Variants in ZC3HAV1L observed in about 807,000 individuals in gnomAD.
The protein encoded by ZC3HAV1L is ZC3HAV1 like.
ZC3HAV1L carries 23 observed loss-of-function variants against 28.2 expected under a neutral mutation model. The observed-to-expected ratio is 0.82, with a 90% confidence interval of 0.59 to 1.16. The LOEUF is 1.16. Ranked by LOEUF, ZC3HAV1L falls within the 50% of genes most tolerant of loss-of-function variation. The pLI, the probability that ZC3HAV1L is intolerant of heterozygous loss-of-function variation, is 0.00. For synonymous variants in ZC3HAV1L, 180 were observed against 163.4 expected (o/e 1.10, Z -0.78); for missense variants, 376 against 387.7 (o/e 0.97, Z 0.25).
chr7:139,035,924 G>A lies in ZC3HAV1L; in HGVS notation c.94C>T (p.Leu32=), dbSNP rs759791547. 2 of 1,513,792 alleles carry A rather than the reference G, an allele frequency of 1.3e-6. No homozygotes were observed. The highest frequency in any genetic ancestry group is 5.3e-5 in the East Asian group (2 of 37,486). 93.8% of individuals were successfully genotyped at this position (1,513,792 alleles called of 1,614,324 possible). ...ACGTCCCGGAGCCTGGCCTCCGACA[G>A]CTCCACGTGGCCGCGCAGGTCCTTC... is the stretch of plus-strand genomic sequence containing the variant. ...FLKDLRGHVE[L]SEARLRDVLQ... The change falls in exon 1 of 5, where the codon CTG becomes TTG. Residue 32 remains leucine (L), a synonymous_variant. Coordinates refer to ENST00000275766, the MANE Select transcript of ZC3HAV1L (RefSeq NM_080660.4).
At chr7:139,035,462 C>G (rs1284487426) in intron 1 of ZC3HAV1L, 191 bp downstream of exon 1, 1 of 985,304 alleles carries the variant, frequency 1.0e-6, no homozygotes, top group African/African-American at 1.7e-5. Context: ...AGAGGACCTT[C>G]GCGCCTTTCC....
chr7:139,030,823 A>C (rs1247952909), intron 2 of ZC3HAV1L, among the ~76,000 whole-genome samples: 3 of 112,410 alleles, frequency 2.7e-5, no homozygotes, highest in African/African-American at 9.8e-5. Flanking sequence ...CATCTCAAAA[A>C]ATAATAATAA....
chr7:139,035,815 G>T lies in ZC3HAV1L; in HGVS notation c.203C>A (p.Ala68Glu). ...EGLGDAEAEAAAGAVGGGGTS... is the reference protein window; with the variant it reads ...EGLGDAEAEAEAGAVGGGGTS... ...GCCGCCACCGCCCACCGCGCCGGCC[G>T]CCGCCTCGGCCTCCGCGTCCCCGAG... Residue 68 changes from alanine to glutamate, a missense_variant, in exon 1 of 5, where the codon GCG (alanine) becomes GAG (glutamate). Transcript: ENST00000275766. 6.7e-7 allele frequency: 1 copy of T among 1,482,974 alleles called. No individual in the cohort carries two copies. Among genetic ancestry groups the T allele is most frequent in the Non-Finnish European group, 8.9e-7 (1 of 1,125,800 alleles). The allele number at this position is 1,482,974 out of a possible 1,614,324, so 91.9% of individuals were successfully genotyped here.
intron 2 of ZC3HAV1L, among the ~76,000 whole-genome samples, chr7:139,030,318 G>A (rs1026786206): frequency 2.6e-5 from 4 of 152,148 alleles, no homozygotes; most frequent in Admixed American, 1.3e-4. Flanking sequence ...GATGGCACAC[G>A]CCTGTAATTC....
chr7:139,035,209 G>C, intron 1 of ZC3HAV1L: 1 of 985,452 alleles, frequency 1.0e-6, no homozygotes, highest in South Asian at 4.7e-5. Context: ...TAAACCTAGA[G>C]GGCGCAGACC....
chr7:139,034,827 G>A, intron 1 of ZC3HAV1L, 149 bp from the exon 2 acceptor site: 1 of 1,386,892 alleles, frequency 7.2e-7, no homozygotes, highest in Non-Finnish European at 9.4e-7. Context: ...AATAAGCACT[G>A]ATGGAAAATA....
rs1563117184 is a variant in ZC3HAV1L at position 139,036,042 on chromosome 7, C to T, written c.-25G>A. On this transcript the variant is annotated 5_prime_UTR_variant, in exon 1 of 5. Transcript: ENST00000275766. ...TGGTCGCTGGCGCGGGCCCTGTGCG[C>T]GCGGCGCAGCGAGCCGGGGCGGGCA... The T allele has an allele frequency of 6.8e-7, 1 of 1,471,428 alleles. No homozygotes were observed. Among genetic ancestry groups the T allele is most frequent in the Non-Finnish European group, 8.9e-7 (1 of 1,120,318 alleles). 91.1% of individuals were successfully genotyped at this position (1,471,428 alleles called of 1,614,324 possible).
At chr7:139,023,881 T>C (rs1815295551), downstream of ZC3HAV1L, among the ~76,000 whole-genome samples, 1 of 152,122 alleles carries the variant, frequency 6.6e-6, no homozygotes, top group African/African-American at 2.4e-5. Flanking sequence ...CAGAGAAGGA[T>C]AAATATTTGA....
At chr7:139,033,198 C>CA (rs11407392) in intron 2 of ZC3HAV1L, among the ~76,000 whole-genome samples, 71,470 of 145,396 alleles carry the variant, frequency 0.49, 17,434 homozygotes, top group Non-Finnish European at 0.53. Flanking sequence ...GACCCTGTCT[C>CA]AAAAAAAAAA....
intron 2 of ZC3HAV1L, among the ~76,000 whole-genome samples, chr7:139,030,272 C>T (rs1363074483): frequency 6.6e-6 from 1 of 152,040 alleles, no homozygotes; most frequent in Non-Finnish European, 1.5e-5. Context: ...CGGTGAAACC[C>T]TGACTCTATT....
At chr7:139,034,276 G>T (rs76589162) in intron 2 of ZC3HAV1L, 1 of 827,728 alleles carries the variant, frequency 1.2e-6, no homozygotes, top group African/African-American at 1.8e-5. Flanking sequence ...AGAAAATCTT[G>T]CTTTTAATTG....
rs749496643 is a variant in ZC3HAV1L at position 139,026,820 on chromosome 7, A to G, written c.774T>C (p.Pro258=). ...KMLENTDNSS[P]STEHSQGLEK... The stretch of plus-strand genomic sequence containing the variant: ...CAAGGCCTTGTGAATGCTCAGTCGA[A>G]GGTGATGAATTATCTACAAAGAGGA... The change falls in exon 4 of 5, where the codon CCT becomes CCC. Residue 258 remains proline (P), a synonymous_variant. Coordinates refer to ENST00000275766, the MANE Select transcript of ZC3HAV1L (RefSeq NM_080660.4). 2 of 1,612,930 alleles carry G rather than the reference A, an allele frequency of 1.2e-6. No homozygotes were observed. Among genetic ancestry groups the G allele is most frequent in the Middle Eastern group, 1.7e-4 (1 of 6,056 alleles).
chr7:139,035,326 A>G, intron 1 of ZC3HAV1L: 1 of 985,330 alleles, frequency 1.0e-6, no homozygotes, highest in Non-Finnish European at 1.2e-6. Context: ...CTCCCGCCAA[A>G]TATCACCAGA....
chr7:139,034,809 T>C, intron 1 of ZC3HAV1L, 131 bp from the exon 2 acceptor site: 7 of 1,438,078 alleles, frequency 4.9e-6, no homozygotes, highest in Non-Finnish European at 6.4e-6. Context: ...CCGGGGATAG[T>C]ATGGCCTAAT....
At chr7:139,027,715 T>A (rs183533351) in intron 3 of ZC3HAV1L, among the ~76,000 whole-genome samples, 16 of 152,248 alleles carry the variant, frequency 1.1e-4, no homozygotes, top group Non-Finnish European at 1.9e-4. Flanking sequence ...ACTATGGGAA[T>A]ATATTTATAA....
chr7:139,026,963 G>A, intron 3 of ZC3HAV1L, 130 bp from the exon 4 acceptor site: 2 of 1,075,146 alleles, frequency 1.9e-6, no homozygotes, highest in East Asian at 2.6e-5. Context: ...CATGTCTTCT[G>A]GATTTTAAAA....
At chr7:139,031,968 G>A (rs138057081) in intron 2 of ZC3HAV1L, among the ~76,000 whole-genome samples, 2,702 of 152,112 alleles carry the variant, frequency 0.018, 40 homozygotes, top group Middle Eastern at 0.037. Flanking sequence ...CCAGCTACTC[G>A]AGAGGCTGAA....
rs1169532939 is a variant in ZC3HAV1L at position 139,035,892 on chromosome 7, C to T, written c.126G>A (p.Gln42=). The change falls in exon 1 of 5, where the codon CAG becomes CAA. Residue 42 remains glutamine (Q), a synonymous_variant. Transcript: ENST00000275766. ...GCAGGAAACGCTCGGGCCCGGCGCG[C>T]TGCAGCACGTCCCGGAGCCTGGCCT... The part of the protein sequence containing the change: ...LSEARLRDVL[Q]RAGPERFLLQ... 1.3e-6 allele frequency: 2 copies of T among 1,514,390 alleles called. No individual in the cohort carries two copies. Among genetic ancestry groups the T allele is most frequent in the South Asian group, 1.2e-5 (1 of 81,728 alleles). The allele number at this position is 1,514,390 out of a possible 1,614,324, so 93.8% of individuals were successfully genotyped here.
intron 2 of ZC3HAV1L, among the ~76,000 whole-genome samples, chr7:139,033,014 C>T (rs77206092): frequency 0.024 from 3,655 of 152,168 alleles, 325 homozygotes; most frequent in East Asian, 0.18. Flanking sequence ...ATAAGACCAG[C>T]CCGGCCAACA....
Sources: gnomAD v4.1 joint callset for allele counts (sites outside exome capture counted in the v4.1 genomes callset) on GRCh38, gnomAD v4.1.1 for gene constraint, MANE v1.5 for transcripts, NCBI Gene and HGNC (gene_info 2026-07-23, HGNC 2026-07-21) for gene names.